Variants in STOX2 observed in about 807,000 individuals in gnomAD.
The protein encoded by STOX2 is storkhead box 2.
A neutral mutation model predicts 60.9 loss-of-function variants in STOX2; 28 were observed. The ratio of observed to expected loss-of-function variants is 0.46; its 90% CI spans 0.34 to 0.63. The LOEUF (loss-of-function observed/expected upper bound fraction) is 0.63, where lower values mean the gene tolerates loss of function less well. Among genes scored for constraint, STOX2 ranks in the 30% least tolerant of loss-of-function variants. The pLI is 0.01. For missense variants in STOX2, 1,024 were observed against 1,187.7 expected (o/e 0.86, Z 2.03); for synonymous variants, 472 against 463.9 (o/e 1.02, Z -0.22).
intron 1 of STOX2, among the ~76,000 whole-genome samples, chr4:183,971,007 A>C (rs1374234862): frequency 6.6e-6 from 1 of 152,216 alleles, no homozygotes; most frequent in African/African-American, 2.4e-5. Context: ...CATATCCCCC[A>C]GTGAGAAGGC....
intron 1 of STOX2, among the ~76,000 whole-genome samples, chr4:183,937,624 G>A (rs1249691010): frequency 6.6e-6 from 1 of 152,154 alleles, no homozygotes; most frequent in African/African-American, 2.4e-5. Context: ...CAGTGGACTC[G>A]TCTCATTGAG....
chr4:183,866,785 G>A (rs769377430), intron 1 of STOX2, among the ~76,000 whole-genome samples: 5 of 152,136 alleles, frequency 3.3e-5, no homozygotes, highest in East Asian at 3.9e-4. Context: ...AGGCCAAGAC[G>A]GGAGGAACAC....
intron 1 of STOX2, among the ~76,000 whole-genome samples, chr4:183,873,234 G>A (rs1415166719): frequency 2.6e-5 from 4 of 152,126 alleles, no homozygotes. Context: ...GATCACCTGA[G>A]GTCGGGAGTT....
In STOX2 at chr4:184,001,523, G is replaced by T. The variant is rs1359915621; in HGVS notation, c.319+46G>T. On this transcript the variant is annotated intron_variant, in intron 2 of 3. Transcript: ENST00000308497. This position sits in a 1 kb window ranked among gnomAD's most constrained non-coding sequence, Gnocchi z 4.2. Reference sequence around the variant, plus strand: ...CACTTTCCAGGTGGCGGTGTGCTGTGGTCGCTCTAGGACTCACGTGGACTG... The same window carrying T: ...CACTTTCCAGGTGGCGGTGTGCTGTTGTCGCTCTAGGACTCACGTGGACTG... The T allele has an allele frequency of 1.9e-6, 3 of 1,595,740 alleles. No homozygotes were observed. In the South Asian group the frequency reaches 3.3e-5, roughly 18 times the overall value.
In STOX2 at chr4:183,821,382, C is replaced by G. The variant is rs988352447; in HGVS notation, c.364+23327C>G. On this transcript the variant is annotated intron_variant, in intron 1 of 2. Transcript: ENST00000513034. This position sits in a 1 kb window ranked among gnomAD's most constrained non-coding sequence, Gnocchi z 4.2. ...CAGGTAGAGGATCTTTTATAAAGAA[C>G]AAACGAAAGCATTACACTGATATTA... Among the ~76,000 whole-genome samples, 107 of 152,312 alleles carry G rather than the reference C, an allele frequency of 7.0e-4. No homozygotes were observed. The highest frequency in any genetic ancestry group is 2.2e-3 in the African/African-American group (91 of 41,556).
chr4:183,971,455 G>T (rs1743739151), intron 1 of STOX2, among the ~76,000 whole-genome samples: 1 of 152,196 alleles, frequency 6.6e-6, no homozygotes, highest in Non-Finnish European at 1.5e-5. Flanking sequence ...AAGCTCATTA[G>T]TACCTCTGGC....
At chr4:183,879,820 G>A (rs1375025485) in intron 1 of STOX2, among the ~76,000 whole-genome samples, 2 of 151,776 alleles carry the variant, frequency 1.3e-5, no homozygotes, top group Non-Finnish European at 2.9e-5. Flanking sequence ...AAGAGGGGTG[G>A]GGTGTACTTG....
intron 1 of STOX2, among the ~76,000 whole-genome samples, chr4:183,960,552 AT>A (rs1743383297): frequency 6.6e-6 from 1 of 152,174 alleles, no homozygotes; most frequent in Non-Finnish European, 1.5e-5. Flanking sequence ...TCAACATTTC[AT>A]TTGATTGCTG....
intron 1 of STOX2, among the ~76,000 whole-genome samples, chr4:183,976,861 A>G (rs1732469606): frequency 6.6e-6 from 1 of 152,204 alleles, no homozygotes; most frequent in Non-Finnish European, 1.5e-5. Flanking sequence ...GGAATAAGGT[A>G]AGAAAAAGAA....
intron 1 of STOX2, among the ~76,000 whole-genome samples, chr4:183,955,006 A>G (rs1158643356): frequency 6.6e-6 from 1 of 152,150 alleles, no homozygotes; most frequent in Non-Finnish European, 1.5e-5. Flanking sequence ...CGGCCCCCCA[A>G]CCAATCCTGG....
chr4:183,883,008 CT>C (rs368943824), intron 1 of STOX2, among the ~76,000 whole-genome samples: 28 of 151,480 alleles, frequency 1.8e-4, no homozygotes, highest in African/African-American at 5.3e-4. Flanking sequence ...ATAACTGTTG[CT>C]TTTTTTTTCT....
Position 183,821,375 on chromosome 4 carries a change from T to G in STOX2, c.364+23320T>G, listed in dbSNP as rs1291057035. 1.3e-5 allele frequency among the ~76,000 whole-genome samples: 2 copies of G among 152,202 alleles called. No individual in the cohort carries two copies. Among genetic ancestry groups the G allele is most frequent in the Non-Finnish European group, 2.9e-5 (2 of 68,028 alleles). On this transcript the variant is annotated intron_variant, in intron 1 of 2. Transcript: ENST00000513034. The surrounding 1 kb of genome is among the most constrained non-coding windows in gnomAD (Gnocchi z 4.2). ...GTGCTAGCAGGTAGAGGATCTTTTATAAAGAACAAACGAAAGCATTACACT... is the reference window on the plus strand; with the variant it reads ...GTGCTAGCAGGTAGAGGATCTTTTAGAAAGAACAAACGAAAGCATTACACT...
At chr4:183,883,213 T>TA (rs1484768107) in intron 1 of STOX2, among the ~76,000 whole-genome samples, 1 of 152,168 alleles carries the variant, frequency 6.6e-6, no homozygotes, top group Non-Finnish European at 1.5e-5. Flanking sequence ...CTCTAAAAGA[T>TA]AAAGACCCTT....
chr4:183,812,947 A>G (rs1392961041), intron 1 of STOX2, among the ~76,000 whole-genome samples: 1 of 152,224 alleles, frequency 6.6e-6, no homozygotes, highest in South Asian at 2.1e-4. Context: ...TCAAGTCATA[A>G]AAGTTGAAAA....
At position 184,009,918 on chromosome 4, in the gene STOX2, T is replaced by C. The variant is rs771339593; in HGVS notation, c.1080T>C (p.Ser360=). The C allele has an allele frequency of 2.5e-6, 4 of 1,612,120 alleles. No individual in the cohort carries two copies. Among genetic ancestry groups the C allele is most frequent in the Non-Finnish European group, 2.5e-6 (3 of 1,179,288 alleles). The change falls in exon 3 of 4, where the codon AGT becomes AGC. Residue 360 remains serine (S), a synonymous_variant. Coordinates refer to ENST00000308497, the MANE Select transcript of STOX2 (RefSeq NM_020225.3). The surrounding 1 kb of genome is among the most constrained non-coding windows in gnomAD (Gnocchi z 4.0). ...SAHHSGRSKK[S]RTHRKSHGKS... ...ATCACAGCGGAAGGAGTAAAAAGAG[T>C]AGGACTCATCGGAAGTCCCATGGAA...
chr4:183,981,755 T>C (rs925755634), intron 1 of STOX2, among the ~76,000 whole-genome samples: 12 of 152,222 alleles, frequency 7.9e-5, no homozygotes, highest in Non-Finnish European at 1.6e-4. Context: ...ATCTGCATAC[T>C]TCATTTGTAA....
At chr4:183,872,532 C>T (rs1189980966) in intron 1 of STOX2, among the ~76,000 whole-genome samples, 1 of 151,898 alleles carries the variant, frequency 6.6e-6, no homozygotes. Context: ...TAAATAAAGG[C>T]AGAAATATCA....
intron 1 of STOX2, among the ~76,000 whole-genome samples, chr4:183,968,119 A>G (rs1743630932): frequency 6.6e-6 from 1 of 152,192 alleles, no homozygotes; most frequent in Admixed American, 6.5e-5. Flanking sequence ...AGGATTATCA[A>G]TCCCTGTGCC....
At chr4:183,815,885 T>G (rs930246523) in intron 1 of STOX2, among the ~76,000 whole-genome samples, 4 of 152,264 alleles carry the variant, frequency 2.6e-5, no homozygotes, top group Admixed American at 1.3e-4. Flanking sequence ...AACTTGTGTG[T>G]GTATTTTTTT....
Sources: allele counts gnomAD v4.1 joint callset (sites outside exome capture counted in the v4.1 genomes callset), GRCh38; gene constraint gnomAD v4.1.1; non-coding constraint Gnocchi (gnomAD v3.1); transcripts MANE v1.5; gene names NCBI Gene and HGNC (gene_info 2026-07-23, HGNC 2026-07-21).